The following GRB10 variants were observed in gnomAD, a reference collection of about 807,000 sequenced individuals.
GRB10 encodes the protein growth factor receptor-bound protein 10.
GRB10 carries 20 observed loss-of-function variants against 80.9 expected under a neutral mutation model. That is an observed-to-expected ratio of 0.25 (90% CI 0.17 to 0.36). The LOEUF (loss-of-function observed/expected upper bound fraction) is 0.36, where lower values mean the gene tolerates loss of function less well. Among genes scored for constraint, GRB10 ranks in the 10% least tolerant of loss-of-function variants. The probability of loss-of-function intolerance (pLI) is 1.00; values close to 1 mark genes in which losing one functional copy is unlikely to be tolerated. For missense variants in GRB10, 548 were observed against 747.7 expected (o/e 0.73, Z 3.12); for synonymous variants, 291 against 291.5 (o/e 1.00, Z 0.02).
intron 12 of GRB10, 129 bp downstream of exon 12, chr7:50,614,641 T>A: frequency 2.6e-6 from 2 of 769,110 alleles, no homozygotes; most frequent in East Asian, 4.9e-5. Flanking sequence ...CAGGAATGGA[T>A]AAATCCAGTG....
chr7:50,646,388 A>G (rs1438428040), intron 7 of GRB10, among the ~76,000 whole-genome samples: 3 of 152,224 alleles, frequency 2.0e-5, no homozygotes. Flanking sequence ...GAAGAGATAC[A>G]CAAGATACTG....
At chr7:50,773,463 GAA>G (rs2077222087) in intron 2 of GRB10, among the ~76,000 whole-genome samples, 1 of 10,714 alleles carries the variant, frequency 9.3e-5, no homozygotes, top group South Asian at 4.0e-3. Context: ...GAGGGGAGGG[GAA>G]GGCAGGGGAG....
intron 7 of GRB10, among the ~76,000 whole-genome samples, chr7:50,660,209 C>T (rs1457824324): frequency 5.9e-5 from 9 of 152,098 alleles, no homozygotes; most frequent in South Asian, 2.1e-4. Flanking sequence ...CATCATGCCG[C>T]GTCCACAGGG....
intron 7 of GRB10, among the ~76,000 whole-genome samples, chr7:50,635,962 C>CTTTTTT (rs56411780): frequency 3.2e-4 from 23 of 71,016 alleles, no homozygotes; most frequent in East Asian, 1.3e-3. Context: ...TTTTCCTTTC[C>CTTTTTT]TTTTTTTTTT....
At chr7:50,727,946 G>T (rs2068920165) in intron 4 of GRB10, 1 of 152,184 alleles carries the variant, frequency 6.6e-6, no homozygotes, top group Non-Finnish European at 1.5e-5. Context: ...CCATGCAGGT[G>T]AATAGTAGTC....
chr7:50,613,247 A>C (rs1030320240), intron 12 of GRB10, among the ~76,000 whole-genome samples: 10 of 152,136 alleles, frequency 6.6e-5, no homozygotes, highest in Non-Finnish European at 1.5e-4. Flanking sequence ...GAGAGATCTT[A>C]AAGTTGCCCC....
intron 17 of GRB10, among the ~76,000 whole-genome samples, chr7:50,595,991 A>T (rs1024669848): frequency 1.3e-5 from 2 of 152,204 alleles, no homozygotes; most frequent in Non-Finnish European, 2.9e-5. Context: ...AAAATAAATA[A>T]GCAAATAAAT....
chr7:50,679,757 T>G (rs1050130649), intron 5 of GRB10, among the ~76,000 whole-genome samples: 1 of 152,202 alleles, frequency 6.6e-6, no homozygotes, highest in Non-Finnish European at 1.5e-5. Context: ...GCACTTTACA[T>G]GAAAAGTCTC....
At chr7:50,660,614 C>T (rs1324099297) in intron 7 of GRB10, among the ~76,000 whole-genome samples, 3 of 152,162 alleles carry the variant, frequency 2.0e-5, no homozygotes, top group Non-Finnish European at 2.9e-5. Flanking sequence ...ACCGTGGCCT[C>T]TCGGTGCAGA....
intron 4 of GRB10, among the ~76,000 whole-genome samples, chr7:50,726,463 C>A (rs1449901605): frequency 1.3e-5 from 2 of 151,426 alleles, no homozygotes; most frequent in Non-Finnish European, 2.9e-5. Context: ...TTATATTATT[C>A]AAAAAAAATC....
At chr7:50,777,510 A>C (rs1164466329) in intron 2 of GRB10, among the ~76,000 whole-genome samples, 1 of 151,968 alleles carries the variant, frequency 6.6e-6, no homozygotes, top group Non-Finnish European at 1.5e-5. Context: ...ATATACTTCA[A>C]ATTTAAATGA....
chr7:50,736,508 G>C (rs34061103), intron 3 of GRB10, among the ~76,000 whole-genome samples: 12,172 of 152,022 alleles, frequency 0.08, 599 homozygotes, highest in East Asian at 0.17. Context: ...GAATGGTTCT[G>C]GGGGCTGAGT....
At chr7:50,659,805 C>A (rs924497384) in intron 7 of GRB10, among the ~76,000 whole-genome samples, 1 of 152,224 alleles carries the variant, frequency 6.6e-6, no homozygotes, top group Non-Finnish European at 1.5e-5. Context: ...GCAATGGGAT[C>A]TGCTACATGT....
intron 7 of GRB10, among the ~76,000 whole-genome samples, chr7:50,667,604 C>T (rs1234967420): frequency 1.3e-5 from 2 of 151,538 alleles, no homozygotes; most frequent in Non-Finnish European, 2.9e-5. Context: ...ACACACTTTT[C>T]ATGAGATCAG....
At chr7:50,725,448 G>A (rs1040609446) in intron 4 of GRB10, among the ~76,000 whole-genome samples, 3 of 152,138 alleles carry the variant, frequency 2.0e-5, no homozygotes, top group Admixed American at 1.3e-4. Flanking sequence ...CTTTATAAGC[G>A]GTGTGAGTGT....
At chr7:50,610,473 G>C (rs1017084174) in intron 13 of GRB10, among the ~76,000 whole-genome samples, 3 of 152,184 alleles carry the variant, frequency 2.0e-5, no homozygotes, top group African/African-American at 7.2e-5. Flanking sequence ...TGTATCACTG[G>C]ATGCAAAGTG....
At chr7:50,697,028 G>A (rs539443197) in intron 5 of GRB10, among the ~76,000 whole-genome samples, 1 of 152,380 alleles carries the variant, frequency 6.6e-6, no homozygotes, top group Admixed American at 6.5e-5. Context: ...GGTGAACCCT[G>A]AAGACATGCT....
chr7:50,711,713 C>T lies in GRB10; in HGVS notation c.52-7805G>A, dbSNP rs149928296. Among the ~76,000 whole-genome samples, 221 of 152,226 alleles carry T rather than the reference C, an allele frequency of 1.5e-3. 1 individual carries two copies. The highest frequency in any genetic ancestry group is 5.1e-3 in the African/African-American group (213 of 41,512). On this transcript the variant is annotated intron_variant, in intron 4 of 18. Coordinates refer to ENST00000401949, the MANE Select transcript of GRB10 (RefSeq NM_001350814.2). ...TCTAGAACTCTGAACACACACAAGC[C>T]GTCAGATACAGTGTAGTTACAGATT...
At position 50,733,055 on chromosome 7, in the gene GRB10, A is replaced by T. The variant is rs1476445958; in HGVS notation, c.-46-687T>A. On this transcript the variant is annotated intron_variant, in intron 3 of 18. Coordinates refer to ENST00000401949, the MANE Select transcript of GRB10 (RefSeq NM_001350814.2). ...CAGCCCTAACTCCTAGTACCTCAGAATGTGACTGTATTTGGAAGGAGGGTC... is the reference window on the plus strand; with the variant it reads ...CAGCCCTAACTCCTAGTACCTCAGATTGTGACTGTATTTGGAAGGAGGGTC... Among the ~76,000 whole-genome samples, 4 of 152,230 alleles carry T rather than the reference A, an allele frequency of 2.6e-5. No individual in the cohort carries two copies. The East Asian group carries it at 7.7e-4, about 29-fold the overall frequency.
Sources: gnomAD v4.1 joint callset for allele counts (sites outside exome capture counted in the v4.1 genomes callset) on GRCh38, gnomAD v4.1.1 for gene constraint, MANE v1.5 for transcripts, NCBI Gene and HGNC (gene_info 2026-07-23, HGNC 2026-07-21) for gene names.